UBE2K: variants seen among roughly 807,000 people sequenced by gnomAD.
UBE2K encodes the protein ubiquitin conjugating enzyme E2 K.
Under a neutral mutation model 30.0 loss-of-function variants are expected in UBE2K, and 6 were observed. The observed-to-expected ratio is 0.20, with a 90% CI of 0.11 to 0.39. The LOEUF is 0.39. Among genes scored for constraint, UBE2K ranks in the 10% least tolerant of loss-of-function variants. The pLI is 1.00. For synonymous variants in UBE2K, 86 were observed against 83.7 expected (o/e 1.03, Z -0.15); for missense variants, 61 against 241.6 (o/e 0.25, Z 4.96).
intron 1 of UBE2K, among the ~76,000 whole-genome samples, chr4:39,717,864 A>AGTGTGGGC (rs1719176514): frequency 7.0e-6 from 1 of 143,668 alleles, no homozygotes; most frequent in African/African-American, 2.8e-5. Context: ...CTTCGCGGTG[A>AGTGTGGGC]GTGTTACAGC....
chr4:39,753,288 A>G (rs879726806), intron 3 of UBE2K, among the ~76,000 whole-genome samples: 4 of 152,082 alleles, frequency 2.6e-5, no homozygotes, highest in Admixed American at 6.6e-5. Flanking sequence ...TACTTTTAAG[A>G]TGGATCACCT....
At chr4:39,741,291 TCTG>T (rs570409332) in intron 2 of UBE2K, among the ~76,000 whole-genome samples, 1 of 152,006 alleles carries the variant, frequency 6.6e-6, no homozygotes, top group Non-Finnish European at 1.5e-5. Flanking sequence ...AGTGCTTATT[TCTG>T]CTGCTGCTGC....
At chr4:39,698,481 G>A in intron 1 of UBE2K, 91 bp downstream of exon 1, 1 of 1,272,714 alleles carries the variant, frequency 7.9e-7, no homozygotes, top group Non-Finnish European at 1.1e-6. Context: ...TAGTCCCTGG[G>A]TGGTCCTCCT....
chr4:39,703,488 G>A (rs555572929), intron 1 of UBE2K, among the ~76,000 whole-genome samples: 1 of 152,054 alleles, frequency 6.6e-6, no homozygotes, highest in African/African-American at 2.4e-5. Context: ...ACTTTAGCCT[G>A]GGCATCAGCG....
intron 4 of UBE2K, among the ~76,000 whole-genome samples, chr4:39,774,066 GTGGA>G (rs1200991126): frequency 6.6e-6 from 1 of 152,168 alleles, no homozygotes; most frequent in African/African-American, 2.4e-5. Flanking sequence ...GGAGGCCAAG[GTGGA>G]TGGATCACCT....
At chr4:39,755,846 T>C in intron 4 of UBE2K, 107 bp downstream of exon 4, 1 of 736,504 alleles carries the variant, frequency 1.4e-6, no homozygotes, top group Non-Finnish European at 2.0e-6. Flanking sequence ...TTATCTTGTT[T>C]GGGCAGTAAC....
intron 1 of UBE2K, among the ~76,000 whole-genome samples, chr4:39,733,906 A>ACT (rs1220668209): frequency 6.6e-6 from 1 of 152,094 alleles, no homozygotes; most frequent in Non-Finnish European, 1.5e-5. Context: ...TTAAAGTAAG[A>ACT]CTTTAAGTTC....
At chr4:39,717,776 C>T (rs1719168045) in intron 1 of UBE2K, among the ~76,000 whole-genome samples, 1 of 152,022 alleles carries the variant, frequency 6.6e-6, no homozygotes, top group African/African-American at 2.4e-5. Flanking sequence ...TTTGTTCCTT[C>T]TGATGTTCGG....
intron 3 of UBE2K, among the ~76,000 whole-genome samples, chr4:39,753,117 A>G (rs1000069707): frequency 6.6e-6 from 1 of 152,256 alleles, no homozygotes. Flanking sequence ...ATGTGGGCTC[A>G]GTGGCTCACG....
intron 1 of UBE2K, among the ~76,000 whole-genome samples, chr4:39,730,015 A>T (rs1383633335): frequency 1.3e-5 from 2 of 152,240 alleles, no homozygotes; most frequent in South Asian, 2.1e-4. Context: ...TTAGAATGAA[A>T]TAACTATTGA....
At chr4:39,702,397 G>A (rs1718084268) in intron 1 of UBE2K, among the ~76,000 whole-genome samples, 1 of 151,508 alleles carries the variant, frequency 6.6e-6, no homozygotes, top group Non-Finnish European at 1.5e-5. Context: ...TGGGATTATA[G>A]GCATGCACCA....
intron 1 of UBE2K, among the ~76,000 whole-genome samples, chr4:39,725,815 G>C (rs1392964544): frequency 6.6e-6 from 1 of 152,022 alleles, no homozygotes; most frequent in African/African-American, 2.4e-5. Context: ...GCTAATTTTT[G>C]TATTTTTAGT....
chr4:39,765,940 CACACACACACAT>C (rs1333689600), intron 4 of UBE2K, among the ~76,000 whole-genome samples: 1 of 140,722 alleles, frequency 7.1e-6, no homozygotes, highest in Non-Finnish European at 1.6e-5. Flanking sequence ...TACATACATA[CACACACACACAT>C]ACACATACAC....
At chr4:39,774,775 A>G (rs1713186840) in intron 4 of UBE2K, 59 bp from the exon 5 acceptor site, 7 of 1,025,482 alleles carry the variant, frequency 6.8e-6, no homozygotes, top group Non-Finnish European at 9.4e-6. Context: ...TTAAGAAAAT[A>G]CTTTGCTTTT....
chr4:39,717,883 C>T lies in UBE2K; in HGVS notation c.63+19493C>T, dbSNP rs960499086. On this transcript the variant is annotated intron_variant, in intron 1 of 6. Coordinates refer to ENST00000261427, the MANE Select transcript of UBE2K (RefSeq NM_005339.5). ...GCGGTGAGTGTTACAGCTCTTAAGG[C>T]GGCGCGTCTGGAGTTGTTCGTTCCT... Among the ~76,000 whole-genome samples the T allele has an allele frequency of 2.4e-4, 34 of 141,918 alleles. 1 individual carries two copies. Among genetic ancestry groups the T allele is most frequent in the Admixed American group, 1.8e-3 (26 of 14,724 alleles). The allele number at this position is 141,918 out of a possible 152,430, so 93.1% of individuals were successfully genotyped here. A position where few individuals can be genotyped will look rare whatever the true frequency, so the allele number is the denominator to read the frequency against.
At position 39,737,528 on chromosome 4, in the gene UBE2K, C is replaced by T. The variant is rs1337257835; in HGVS notation, c.157+15C>T. 1.3e-5 allele frequency: 19 copies of T among 1,495,070 alleles called. No homozygotes were observed. Among genetic ancestry groups the T allele is most frequent in the Non-Finnish European group, 1.7e-5 (19 of 1,104,874 alleles). 92.6% of individuals were successfully genotyped at this position (1,495,070 alleles called of 1,614,324 possible). ...ACCATATGAAGGCAAGTACTTTTTT[C>T]TGTATCAAAATATTGTGCGTATTAG... is the stretch of plus-strand genomic sequence containing the variant. On this transcript the variant is annotated intron_variant, in intron 2 of 6. Transcript: ENST00000261427.
intron 1 of UBE2K, among the ~76,000 whole-genome samples, chr4:39,712,882 A>G (rs62310079): frequency 6.9e-6 from 1 of 144,126 alleles, no homozygotes; most frequent in Non-Finnish European, 1.5e-5. Context: ...TTTTTTTTAA[A>G]TGAGACGGAG....
chr4:39,745,836 G>A lies in UBE2K; in HGVS notation c.216+26G>A, dbSNP rs761949065. The A allele has an allele frequency of 3.9e-6, 6 of 1,524,380 alleles. No individual in the cohort carries two copies. The East Asian group carries it at 6.9e-5, about 17-fold the overall frequency. The allele number at this position is 1,524,380 out of a possible 1,614,324, so 94.4% of individuals were successfully genotyped here. A position where few individuals can be genotyped will look rare whatever the true frequency, so the allele number is the denominator to read the frequency against. ...GTATTGTAAGCCTATTTTTGTGCAT[G>A]AAGTTACAAAATATTTTATATTTCT... is the stretch of plus-strand genomic sequence containing the variant. On this transcript the variant is annotated intron_variant, in intron 3 of 6. Transcript: ENST00000261427.
At chr4:39,760,759 G>C (rs975311926) in intron 4 of UBE2K, among the ~76,000 whole-genome samples, 1 of 151,966 alleles carries the variant, frequency 6.6e-6, no homozygotes. Flanking sequence ...TAGCTACAGC[G>C]AGACTCCGTC....
Sources: allele counts gnomAD v4.1 joint callset (sites outside exome capture counted in the v4.1 genomes callset), GRCh38; gene constraint gnomAD v4.1.1; transcripts MANE v1.5; gene names NCBI Gene and HGNC (gene_info 2026-07-23, HGNC 2026-07-21).